UBE2E3: variants seen among roughly 807,000 people sequenced by gnomAD.
UBE2E3 encodes the protein ubiquitin-conjugating enzyme E2 E3.
UBE2E3 carries 5 observed loss-of-function variants against 23.6 expected under a neutral mutation model. That is an observed-to-expected ratio of 0.21 (90% confidence interval 0.11 to 0.44). The LOEUF (loss-of-function observed/expected upper bound fraction) is 0.44, where lower values mean the gene tolerates loss of function less well. Among genes scored for constraint, UBE2E3 ranks in the 20% least tolerant of loss-of-function variants. UBE2E3 has a pLI of 0.99. For missense variants in UBE2E3, 81 were observed against 249.8 expected, an observed-to-expected ratio of 0.32 and a Z score of 4.55; for synonymous variants, 78 against 87.5, an observed-to-expected ratio of 0.89 and a Z score of 0.60.
intron 3 of UBE2E3, among the ~76,000 whole-genome samples, chr2:181,015,560 G>C (rs1003787062): frequency 5.3e-5 from 8 of 152,228 alleles, no homozygotes; most frequent in African/African-American, 1.9e-4. Context: ...GACAGTGTCA[G>C]AATTCTTGGA....
intron 3 of UBE2E3, among the ~76,000 whole-genome samples, chr2:181,057,088 G>C (rs1007283882): frequency 6.6e-6 from 1 of 151,672 alleles, no homozygotes; most frequent in Non-Finnish European, 1.5e-5. Flanking sequence ...AAAGAAAGGC[G>C]GAAAGGACCC....
intron 3 of UBE2E3, among the ~76,000 whole-genome samples, chr2:181,039,588 T>TGGC (rs1227198031): frequency 1.3e-5 from 2 of 152,074 alleles, no homozygotes; most frequent in Admixed American, 1.3e-4. Context: ...CTGAGCAACA[T>TGGC]GGCGAGACTC....
At chr2:181,022,900 G>A (rs1356960255) in intron 3 of UBE2E3, among the ~76,000 whole-genome samples, 1 of 151,630 alleles carries the variant, frequency 6.6e-6, no homozygotes, top group Non-Finnish European at 1.5e-5. Flanking sequence ...ACAAATACCA[G>A]ATGTCCTTCA....
chr2:181,033,776 A>G (rs537403086), intron 3 of UBE2E3, among the ~76,000 whole-genome samples: 57 of 152,322 alleles, frequency 3.7e-4, no homozygotes, highest in African/African-American at 1.3e-3. Context: ...TTTGCAAGCT[A>G]CCCATCTGAC....
chr2:181,025,075 C>T (rs1009992542), intron 3 of UBE2E3, among the ~76,000 whole-genome samples: 7 of 152,016 alleles, frequency 4.6e-5, no homozygotes, highest in South Asian at 2.1e-4. Context: ...CATGGAGATA[C>T]GTTCTGGGAC....
At chr2:181,036,704 G>C in intron 3 of UBE2E3, among the ~76,000 whole-genome samples, 1 of 152,186 alleles carries the variant, frequency 6.6e-6, no homozygotes, top group East Asian at 1.9e-4. Flanking sequence ...CCCTGAACTG[G>C]AATAAGTGGG....
chr2:180,994,847 A>G (rs1250614124), intron 3 of UBE2E3, among the ~76,000 whole-genome samples: 1 of 152,352 alleles, frequency 6.6e-6, no homozygotes. Flanking sequence ...TGAGATACAC[A>G]CAAACCTATT....
intron 3 of UBE2E3, among the ~76,000 whole-genome samples, chr2:181,031,586 C>G (rs953965612): frequency 6.6e-6 from 1 of 152,014 alleles, no homozygotes; most frequent in African/African-American, 2.4e-5. Flanking sequence ...TTGTTACTAC[C>G]ATTTACTTAA....
At position 181,002,886 on chromosome 2, in the gene UBE2E3, A is replaced by G. The variant is rs570857181; in HGVS notation, c.245+18793A>G. 1.1e-4 allele frequency among the ~76,000 whole-genome samples: 16 copies of G among 152,334 alleles called. No individual in the cohort carries two copies. In the East Asian group the frequency reaches 3.1e-3, roughly 29 times the overall value. On this transcript the variant is annotated intron_variant, in intron 3 of 5. Transcript: ENST00000410062. Reference sequence around the variant, plus strand: ...AACTGGGGCACACCCCAGTTTGTGAAAAGATGGACAACCTTTCTTGGCTAG... The same window carrying G: ...AACTGGGGCACACCCCAGTTTGTGAGAAGATGGACAACCTTTCTTGGCTAG...
chr2:181,055,443 C>A (rs1470779764), intron 3 of UBE2E3, among the ~76,000 whole-genome samples: 1 of 151,520 alleles, frequency 6.6e-6, no homozygotes, highest in Admixed American at 6.6e-5. Context: ...CCTTCCTGAC[C>A]CCTTCCCATC....
At chr2:180,985,182 T>G (rs2105565393) in intron 3 of UBE2E3, among the ~76,000 whole-genome samples, 1 of 152,278 alleles carries the variant, frequency 6.6e-6, no homozygotes, top group African/African-American at 2.4e-5. Context: ...TTGCTTGTAT[T>G]TGTAATTTCA....
chr2:181,036,352 T>C (rs567753743), intron 3 of UBE2E3, among the ~76,000 whole-genome samples: 1 of 152,228 alleles, frequency 6.6e-6, no homozygotes, highest in South Asian at 2.1e-4. Context: ...TAACTGAGTA[T>C]CTATACACAA....
At chr2:181,015,459 G>C (rs145022060) in intron 3 of UBE2E3, among the ~76,000 whole-genome samples, 59 of 151,958 alleles carry the variant, frequency 3.9e-4, no homozygotes, top group African/African-American at 1.3e-3. Context: ...TTGCAATAAA[G>C]ACTAACAAAA....
chr2:181,001,044 A>G (rs1306274219), intron 3 of UBE2E3, among the ~76,000 whole-genome samples: 1 of 152,222 alleles, frequency 6.6e-6, no homozygotes, highest in African/African-American at 2.4e-5. Flanking sequence ...GATGGAGAAT[A>G]TGACACACTG....
At chr2:181,036,630 AT>A (rs1341327937) in intron 3 of UBE2E3, among the ~76,000 whole-genome samples, 2 of 152,180 alleles carry the variant, frequency 1.3e-5, no homozygotes, top group African/African-American at 4.8e-5. Flanking sequence ...ATGCAGGAGC[AT>A]CCTGTCCAGG....
intron 3 of UBE2E3, among the ~76,000 whole-genome samples, chr2:181,045,584 C>A (rs1173968463): frequency 6.6e-6 from 1 of 152,134 alleles, no homozygotes; most frequent in Non-Finnish European, 1.5e-5. Context: ...TTTTAAAGCT[C>A]TGTAAGCTCA....
At chr2:181,054,029 T>C (rs7603027) in intron 3 of UBE2E3, among the ~76,000 whole-genome samples, 58,705 of 151,634 alleles carry the variant, frequency 0.39, 12,063 homozygotes, top group East Asian at 0.57. Context: ...TGATAGCTCA[T>C]TTCTTTTTAG....
chr2:180,990,939 T>C (rs778764162), intron 3 of UBE2E3, among the ~76,000 whole-genome samples: 2 of 152,176 alleles, frequency 1.3e-5, no homozygotes, highest in Non-Finnish European at 2.9e-5. Flanking sequence ...ATGCAGAAAG[T>C]TTCATGTTTT....
At chr2:180,998,943 C>T (rs1330528942) in intron 3 of UBE2E3, among the ~76,000 whole-genome samples, 1 of 152,068 alleles carries the variant, frequency 6.6e-6, no homozygotes, top group Admixed American at 6.5e-5. Flanking sequence ...TATTAAATTA[C>T]TTTTCTCTAT....
Sources: allele counts gnomAD v4.1 joint callset (sites outside exome capture counted in the v4.1 genomes callset), GRCh38; gene constraint gnomAD v4.1.1; transcripts MANE v1.5; gene names NCBI Gene and HGNC (gene_info 2026-07-23, HGNC 2026-07-21).